The following EPHA3 variants were observed in gnomAD, a reference collection of about 807,000 sequenced individuals.
The protein encoded by EPHA3 is ephrin type-A receptor 3.
EPHA3 carries 42 observed loss-of-function variants against 107.1 expected under a neutral mutation model. The ratio of observed to expected loss-of-function variants is 0.39; its 90% CI spans 0.31 to 0.51. The LOEUF is 0.51. EPHA3 is among the 20% of genes least tolerant of loss of function. The pLI, the probability that EPHA3 is intolerant of heterozygous loss-of-function variation, is 0.78. For missense variants in EPHA3, 1,183 were observed against 1,211.2 expected, an observed-to-expected ratio of 0.98 and a Z score of 0.35; for synonymous variants, 461 against 424.8, an observed-to-expected ratio of 1.09 and a Z score of -1.05.
At chr3:89,132,258 C>T (rs1704222336) in intron 2 of EPHA3, among the ~76,000 whole-genome samples, 1 of 152,150 alleles carries the variant, frequency 6.6e-6, no homozygotes, top group South Asian at 2.1e-4. Flanking sequence ...ATCACTGAAC[C>T]ACTGAATTAC....
At chr3:89,392,727 A>T (rs1006560894) in intron 5 of EPHA3, among the ~76,000 whole-genome samples, 3 of 152,132 alleles carry the variant, frequency 2.0e-5, no homozygotes, top group Non-Finnish European at 4.4e-5. Context: ...ACAGAAAAAC[A>T]CTGATTTAAA....
intron 3 of EPHA3, among the ~76,000 whole-genome samples, chr3:89,303,056 C>T (rs563641558): frequency 6.6e-6 from 1 of 151,854 alleles, no homozygotes; most frequent in South Asian, 2.1e-4. Context: ...CCACCCCTGG[C>T]TAAGTTTTTT....
At chr3:89,128,316 T>C (rs1704134877) in intron 2 of EPHA3, among the ~76,000 whole-genome samples, 1 of 152,144 alleles carries the variant, frequency 6.6e-6, no homozygotes, top group African/African-American at 2.4e-5. Flanking sequence ...TTTGACAATA[T>C]GCCAAAACCT....
At chr3:89,157,554 A>C (rs1361424430) in intron 2 of EPHA3, among the ~76,000 whole-genome samples, 1 of 151,840 alleles carries the variant, frequency 6.6e-6, no homozygotes, top group Non-Finnish European at 1.5e-5. Context: ...ACATGTGCTT[A>C]AGTTTACAGT....
intron 13 of EPHA3, among the ~76,000 whole-genome samples, chr3:89,439,112 G>A (rs768044839): frequency 6.6e-6 from 1 of 152,278 alleles, no homozygotes; most frequent in Non-Finnish European, 1.5e-5. Flanking sequence ...TGACACTAGA[G>A]CAGAAAATGG....
At chr3:89,126,434 ATCT>A (rs1704098247) in intron 1 of EPHA3, among the ~76,000 whole-genome samples, 2 of 151,762 alleles carry the variant, frequency 1.3e-5, no homozygotes, top group Non-Finnish European at 3.0e-5. Context: ...ACAGTGTTCC[ATCT>A]TCTTTTAATA....
At chr3:89,108,382 G>A (rs1213324058) in intron 1 of EPHA3, among the ~76,000 whole-genome samples, 1 of 152,164 alleles carries the variant, frequency 6.6e-6, no homozygotes, top group Non-Finnish European at 1.5e-5. Flanking sequence ...TGTGTATCCC[G>A]CCAGGCAATG....
At chr3:89,275,078 A>G (rs773624417) in intron 3 of EPHA3, among the ~76,000 whole-genome samples, 8 of 152,024 alleles carry the variant, frequency 5.3e-5, no homozygotes, top group Non-Finnish European at 8.8e-5. Context: ...AAGGTCAAAT[A>G]GATAGTAAGT....
At chr3:89,375,228 C>G (rs920148062) in intron 5 of EPHA3, among the ~76,000 whole-genome samples, 14 of 151,582 alleles carry the variant, frequency 9.2e-5, no homozygotes, top group Non-Finnish European at 8.8e-5. Context: ...CTTGAAAACC[C>G]AAATAAAGCT....
chr3:89,147,394 G>T (rs1704586066), intron 2 of EPHA3, among the ~76,000 whole-genome samples: 1 of 151,760 alleles, frequency 6.6e-6, no homozygotes, highest in Admixed American at 6.6e-5. Flanking sequence ...TCTAAGAAAA[G>T]AAAAAATCTT....
chr3:89,414,010 A>C (rs747958769), intron 10 of EPHA3, among the ~76,000 whole-genome samples: 2 of 151,676 alleles, frequency 1.3e-5, no homozygotes, highest in Non-Finnish European at 3.0e-5. Flanking sequence ...AACCATGCTC[A>C]ACAATAAAAA....
At chr3:89,169,062 A>G (rs944195509) in intron 2 of EPHA3, among the ~76,000 whole-genome samples, 3 of 152,154 alleles carry the variant, frequency 2.0e-5, no homozygotes, top group Non-Finnish European at 4.4e-5. Context: ...CCTTGGCTGG[A>G]GGTTTGGACA....
chr3:89,473,283 A>G (rs73139121), intron 16 of EPHA3, among the ~76,000 whole-genome samples: 34,221 of 152,138 alleles, frequency 0.22, 4,146 homozygotes, highest in Non-Finnish European at 0.25. Flanking sequence ...TGTGTTAAAA[A>G]CCAATAATAA....
chr3:89,342,858 T>TAC (rs144807058), intron 5 of EPHA3, among the ~76,000 whole-genome samples: 22,047 of 139,094 alleles, frequency 0.16, 1,613 homozygotes, highest in African/African-American at 0.19. Flanking sequence ...TTTTTACACA[T>TAC]ACACACACAC....
intron 3 of EPHA3, among the ~76,000 whole-genome samples, chr3:89,307,546 T>C (rs1706653733): frequency 6.6e-6 from 1 of 152,104 alleles, no homozygotes; most frequent in Non-Finnish European, 1.5e-5. Context: ...GTGCTAATGT[T>C]TGTTGGATTA....
Position 89,413,118 on chromosome 3 carries a change from CCTTT to C in EPHA3, c.1763-13_1763-10del, listed in dbSNP as rs758870729. 1.2e-6 allele frequency: 2 copies of C among 1,609,394 alleles called. No individual in the cohort carries two copies. The highest frequency in any genetic ancestry group is 2.7e-5 in the African/African-American group (2 of 74,554). ...TTGTACAAATCTAGCTACAATTGCG[CCTTT>C]CTTTCTTTCCTCAAACAGTAAAACT... On this transcript the variant is annotated intron_variant, in intron 9 of 16. Coordinates refer to ENST00000336596, the MANE Select transcript of EPHA3 (RefSeq NM_005233.6).
chr3:89,205,849 G>C (rs1307391326), intron 2 of EPHA3, among the ~76,000 whole-genome samples: 6 of 151,464 alleles, frequency 4.0e-5, no homozygotes, highest in Non-Finnish European at 7.4e-5. Flanking sequence ...TAGCAGGATA[G>C]AATCTCTGAT....
At chr3:89,165,546 T>C (rs1470002500) in intron 2 of EPHA3, among the ~76,000 whole-genome samples, 2 of 152,210 alleles carry the variant, frequency 1.3e-5, no homozygotes, top group African/African-American at 4.8e-5. Context: ...CCTTTCCTCT[T>C]TCCATCTCCA....
At chr3:89,422,951 G>A (rs1309374311) in intron 11 of EPHA3, among the ~76,000 whole-genome samples, 1 of 151,200 alleles carries the variant, frequency 6.6e-6, no homozygotes, top group Non-Finnish European at 1.5e-5. Flanking sequence ...AAAGCGGGGG[G>A]CACAGGCTCT....
Sources: allele counts gnomAD v4.1 joint callset (sites outside exome capture counted in the v4.1 genomes callset), GRCh38; gene constraint gnomAD v4.1.1; transcripts MANE v1.5; gene names NCBI Gene and HGNC (gene_info 2026-07-23, HGNC 2026-07-21).